SHANK2: variants seen among roughly 807,000 people sequenced by gnomAD.
SHANK2 encodes SH3 and multiple ankyrin repeat domains protein 2.
In SHANK2, 43 loss-of-function variants were observed where a neutral mutation model predicts 133.7. The observed-to-expected ratio is 0.32, with a 90% CI of 0.25 to 0.41. The LOEUF is 0.41. SHANK2 is among the 10% of genes least tolerant of loss of function. The pLI is 1.00. For synonymous variants in SHANK2, 1,017 were observed against 952.8 expected (o/e 1.07, Z -1.24); for missense variants, 1,994 against 2,235.8 (o/e 0.89, Z 2.18).
chr11:71,103,076 G>A (rs1284291937), intron 6 of SHANK2, among the ~76,000 whole-genome samples: 1 of 152,140 alleles, frequency 6.6e-6, no homozygotes, highest in Non-Finnish European at 1.5e-5. Flanking sequence ...CAAGGGCTCT[G>A]CCCCCAGGAG....
intron 17 of SHANK2, among the ~76,000 whole-genome samples, chr11:70,640,123 A>G (rs1555005803): frequency 6.6e-6 from 1 of 152,222 alleles, no homozygotes; most frequent in African/African-American, 2.4e-5. Context: ...GGTGTCTCCC[A>G]GAAAGATGTG....
intron 14 of SHANK2, among the ~76,000 whole-genome samples, chr11:70,785,272 C>A (rs1304118936): frequency 6.6e-6 from 1 of 152,212 alleles, no homozygotes; most frequent in African/African-American, 2.4e-5. Flanking sequence ...ATCTTACCCC[C>A]AGACTTGAGG....
At chr11:70,515,275 G>A (rs976661187) in intron 17 of SHANK2, among the ~76,000 whole-genome samples, 3 of 152,190 alleles carry the variant, frequency 2.0e-5, no homozygotes, top group Non-Finnish European at 4.4e-5. Flanking sequence ...CTGGGTTCAA[G>A]TGATCTGCCC....
Position 71,097,123 on chromosome 11 carries a change from A to T in SHANK2, c.593-2435T>A, listed in dbSNP as rs890844498. On this transcript the variant is annotated intron_variant, in intron 6 of 25. Transcript: ENST00000601538. The stretch of plus-strand genomic sequence containing the variant: ...CCAATGACAAGTGGCAGCCTTCTCA[A>T]GGGTTCCGGAATCCCTCCTCAAGTG... Among the ~76,000 whole-genome samples the T allele has an allele frequency of 2.0e-5, 3 of 152,308 alleles. No homozygotes were observed. In the South Asian group the frequency reaches 6.2e-4, roughly 32 times the overall value.
At chr11:70,694,876 T>A (rs1945358738) in intron 15 of SHANK2, among the ~76,000 whole-genome samples, 1 of 152,020 alleles carries the variant, frequency 6.6e-6, no homozygotes, top group South Asian at 2.1e-4. Flanking sequence ...CTGCCCACCC[T>A]CCATCCGTGC....
chr11:70,932,686 G>C (rs571161561), intron 10 of SHANK2, among the ~76,000 whole-genome samples: 28 of 152,274 alleles, frequency 1.8e-4, no homozygotes, highest in African/African-American at 6.5e-4. Flanking sequence ...CCCCATGTGG[G>C]GACCACCTGG....
intron 14 of SHANK2, among the ~76,000 whole-genome samples, chr11:70,745,996 C>T (rs1271712733): frequency 6.6e-6 from 1 of 152,216 alleles, no homozygotes; most frequent in African/African-American, 2.4e-5. Context: ...CATGCTGCAC[C>T]CTCCTCTCCA....
intron 8 of SHANK2, among the ~76,000 whole-genome samples, chr11:71,079,094 C>A (rs1951257715): frequency 2.6e-5 from 4 of 152,260 alleles, no homozygotes; most frequent in Non-Finnish European, 5.9e-5. Flanking sequence ...ACAATGAGTA[C>A]CAGGCGAATG....
intron 14 of SHANK2, among the ~76,000 whole-genome samples, chr11:70,753,497 G>A (rs1199629201): frequency 6.6e-6 from 1 of 152,118 alleles, no homozygotes; most frequent in Non-Finnish European, 1.5e-5. Context: ...AATAAGGACA[G>A]CAATCAATAA....
At chr11:71,078,756 C>A (rs1055066413) in intron 8 of SHANK2, among the ~76,000 whole-genome samples, 1 of 152,350 alleles carries the variant, frequency 6.6e-6, no homozygotes, top group Non-Finnish European at 1.5e-5. Flanking sequence ...AGTTACCACC[C>A]TTTTCCTAGC....
At chr11:70,519,035 G>A (rs1184453197) in intron 17 of SHANK2, among the ~76,000 whole-genome samples, 1 of 152,066 alleles carries the variant, frequency 6.6e-6, no homozygotes, top group African/African-American at 2.4e-5. Flanking sequence ...TCAGCCTCTT[G>A]AGCAGCTGAA....
chr11:71,153,675 G>C (rs1197705795), intron 2 of SHANK2, among the ~76,000 whole-genome samples: 5 of 152,204 alleles, frequency 3.3e-5, no homozygotes, highest in Non-Finnish European at 7.3e-5. Context: ...CTTTAAAACT[G>C]CAAGAGTTCA....
intron 1 of SHANK2, among the ~76,000 whole-genome samples, chr11:71,247,465 G>C (rs782712424): frequency 1.3e-5 from 2 of 150,136 alleles, no homozygotes; most frequent in South Asian, 4.2e-4. Context: ...AAATGTATGA[G>C]AGAACAAGCT....
rs1952673100 is a variant in SHANK2, at chr11:71,147,277, G to A, written c.50C>T (p.Ser17Phe). Residue 17 changes from serine (S) to phenylalanine (F), a missense_variant, in exon 3 of 26, where the codon TCC becomes TTC. Physicochemically the swap from Ser to Phe is radical, Grantham distance 155 (BLOSUM62 -2). Around this residue, in one of 5 missense-constraint regions of SHANK2, gnomAD observed 653 missense variants for 563.4 expected, o/e 1.16. Coordinates refer to ENST00000601538, the MANE Select transcript of SHANK2 (RefSeq NM_012309.5). Reference sequence around the variant, plus strand: ...TGACTCCGACCCCACGGAGTAGTCGGAGAAGCTCTGGGCCATCTCGTCCTC... The same window carrying A: ...TGACTCCGACCCCACGGAGTAGTCGAAGAAGCTCTGGGCCATCTCGTCCTC... ...SSEDEMAQSFSDYSVGSESDS... is the reference protein window; with the variant it reads ...SSEDEMAQSFFDYSVGSESDS... 1 of 1,551,088 alleles carries A rather than the reference G, an allele frequency of 6.4e-7. No individual in the cohort carries two copies. Among genetic ancestry groups the A allele is most frequent in the Non-Finnish European group, 8.7e-7 (1 of 1,146,948 alleles).
chr11:70,540,552 C>T (rs899927285), intron 17 of SHANK2, among the ~76,000 whole-genome samples: 5 of 112,150 alleles, frequency 4.5e-5, no homozygotes, highest in Non-Finnish European at 7.0e-5. Context: ...TCACGATTAG[C>T]GACGGGGGGT....
At position 70,471,326 on chromosome 11, in the gene SHANK2, T is replaced by C; in HGVS notation, c.*1543A>G. 2.5e-6 allele frequency: 1 copy of C among 398,326 alleles called. No individual in the cohort carries two copies. Among genetic ancestry groups the C allele is most frequent in the Non-Finnish European group, 4.4e-6 (1 of 225,928 alleles). The allele number at this position is 398,326 out of a possible 1,614,324, so 24.7% of individuals were successfully genotyped here. Reference sequence around the variant, plus strand: ...ATGGGCTGAGCTAGTTCTGAAATAATAATAAAACCAAAAACCTGACATTCG... The same window carrying C: ...ATGGGCTGAGCTAGTTCTGAAATAACAATAAAACCAAAAACCTGACATTCG... On this transcript the variant is annotated 3_prime_UTR_variant, in exon 26 of 26. Coordinates refer to ENST00000601538, the MANE Select transcript of SHANK2 (RefSeq NM_012309.5). The surrounding 1 kb of genome is among the most constrained non-coding windows in gnomAD (Gnocchi z 4.1).
intron 17 of SHANK2, among the ~76,000 whole-genome samples, chr11:70,566,786 C>T (rs1488019757): frequency 6.6e-6 from 1 of 152,198 alleles, no homozygotes; most frequent in Non-Finnish European, 1.5e-5. Flanking sequence ...ATTTAGTCTC[C>T]ATCATAACCA....
At chr11:70,835,716 T>G (rs1425099022) in intron 11 of SHANK2, among the ~76,000 whole-genome samples, 1 of 152,102 alleles carries the variant, frequency 6.6e-6, no homozygotes, top group Non-Finnish European at 1.5e-5. Flanking sequence ...AATCTGAGCT[T>G]GGTGGTGGAA....
chr11:71,121,976 C>A (rs1352885280), intron 3 of SHANK2, among the ~76,000 whole-genome samples: 2 of 152,132 alleles, frequency 1.3e-5, no homozygotes, highest in African/African-American at 4.8e-5. Flanking sequence ...GAATGGCGAT[C>A]ATTAAAAAGT....
Sources: allele counts gnomAD v4.1 joint callset (sites outside exome capture counted in the v4.1 genomes callset), GRCh38; gene constraint gnomAD v4.1.1; regional missense constraint gnomAD v4.1.1; non-coding constraint Gnocchi (gnomAD v3.1); transcripts MANE v1.5; gene names NCBI Gene and HGNC (gene_info 2026-07-23, HGNC 2026-07-21).